Variants in GDPD4 observed in about 807,000 individuals in gnomAD.
GDPD4 encodes the protein glycerophosphodiester phosphodiesterase domain containing 4, also known as glycerophosphodiester phosphodiesterase 6.
In GDPD4, 60 loss-of-function variants were observed where a neutral mutation model predicts 67.8. The ratio of observed to expected loss-of-function variants is 0.88; its 90% CI spans 0.72 to 1.10. The LOEUF is 1.10. Among genes scored for constraint, GDPD4 ranks in the 50% least tolerant of loss-of-function variants. GDPD4 has a pLI of 0.00. For missense variants in GDPD4, 623 were observed against 613.9 expected (o/e 1.01, Z -0.16); for synonymous variants, 212 against 210.9 (o/e 1.00, Z -0.04).
At chr11:77,285,548 C>T (rs1793466) in intron 2 of GDPD4, among the ~76,000 whole-genome samples, 113,573 of 152,180 alleles carry the variant, frequency 0.75, 43,478 homozygotes, top group African/African-American at 0.93. Context: ...TTTTGTTCAG[C>T]AATTAATTTA....
At chr11:77,269,105 A>AAG in intron 8 of GDPD4, 36 bp from the exon 9 acceptor site, 2 of 1,595,522 alleles carry the variant, frequency 1.3e-6, no homozygotes, top group Non-Finnish European at 1.7e-6. Context: ...GTGGGGGAAA[A>AAG]AGAGATAAAG....
At chr11:77,217,677 C>G (rs1958150419) in intron 16 of GDPD4, among the ~76,000 whole-genome samples, 1 of 152,178 alleles carries the variant, frequency 6.6e-6, no homozygotes, top group African/African-American at 2.4e-5. Context: ...GAGACTTTGT[C>G]TTGTTTGCCA....
In GDPD4 at chr11:77,269,069, C is replaced by T; in HGVS notation, c.479G>A (p.Gly160Asp). Residue 160 changes from glycine (G) to aspartate (D), a missense_variant and splice_region_variant, in exon 9 of 17, where the codon GGT (glycine) becomes GAT (aspartate). Physicochemically the swap from Gly to Asp is moderately conservative, Grantham distance 94. Transcript: ENST00000315938. ...GGGTAATCCAACAGGCACTTGTAGACCTGAAAAATTTGAAAGGAAGGGGAA... is the reference window on the plus strand; with the variant it reads ...GGGTAATCCAACAGGCACTTGTAGATCTGAAAAATTTGAAAGGAAGGGGAA... ...KQCNVITRLR[G>D]LQVPVGLPFL... is the part of the protein sequence containing the mutation. 2 of 1,610,996 alleles carry T rather than the reference C, an allele frequency of 1.2e-6. No individual in the cohort carries two copies. Among genetic ancestry groups the T allele is most frequent in the Non-Finnish European group, 8.5e-7 (1 of 1,178,868 alleles).
At chr11:77,267,050 T>C (rs756484937) in intron 10 of GDPD4, among the ~76,000 whole-genome samples, 16 of 152,238 alleles carry the variant, frequency 1.1e-4, no homozygotes, top group Non-Finnish European at 1.9e-4. Context: ...GCTCCATTCA[T>C]GGTAAATGCC....
At chr11:77,251,485 A>C (rs762881881) in intron 11 of GDPD4, among the ~76,000 whole-genome samples, 1 of 152,196 alleles carries the variant, frequency 6.6e-6, no homozygotes, top group Non-Finnish European at 1.5e-5. Flanking sequence ...TTACTGAGTC[A>C]AATATTCTTG....
chr11:77,218,325 A>G (rs935575374), intron 16 of GDPD4, among the ~76,000 whole-genome samples: 5 of 151,784 alleles, frequency 3.3e-5, no homozygotes, highest in Non-Finnish European at 7.4e-5. Context: ...TTTCTGATAT[A>G]TTTTTCTGAT....
Position 77,258,600 on chromosome 11 carries a change from G to A in GDPD4, c.708-58C>T, listed in dbSNP as rs796655515. 1.0e-5 allele frequency: 16 copies of A among 1,527,548 alleles called. No individual in the cohort carries two copies. The African/African-American group carries it at 2.0e-4, about 20-fold the overall frequency. 94.6% of individuals were successfully genotyped at this position (1,527,548 alleles called of 1,614,324 possible). A position where few individuals can be genotyped will look rare whatever the true frequency, so the allele number is the denominator to read the frequency against. ...AGATAGGCTGAATTTAGCTACCTTG[G>A]TAGACAGGCTCCCCAGACAGTCCTT... is the stretch of plus-strand genomic sequence containing the variant. On this transcript the variant is annotated intron_variant, in intron 10 of 16. Coordinates refer to ENST00000315938, the MANE Select transcript of GDPD4 (RefSeq NM_182833.3).
chr11:77,222,023 T>C (rs901966238), intron 16 of GDPD4, among the ~76,000 whole-genome samples: 1 of 152,206 alleles, frequency 6.6e-6, no homozygotes, highest in Non-Finnish European at 1.5e-5. Flanking sequence ...TTAAAGTCTG[T>C]TTTATCAGAG....
At chr11:77,272,133 T>A (rs1439865403) in intron 5 of GDPD4, among the ~76,000 whole-genome samples, 1 of 152,194 alleles carries the variant, frequency 6.6e-6, no homozygotes, top group Non-Finnish European at 1.5e-5. Context: ...CATAATTAAG[T>A]CTTTCACAAC....
rs1163236835 is a variant in GDPD4, at chr11:77,277,222, T to C, written c.148-1002A>G. Among the ~76,000 whole-genome samples, 8 of 146,950 alleles carry C rather than the reference T, an allele frequency of 5.4e-5. 1 individual carries two copies. The highest frequency in any genetic ancestry group is 1.2e-4 in the Non-Finnish European group (8 of 66,990). ...ACATCCTTCATCTACATTTTCCCCA[T>C]GTAAAAAAAAAAAAAAAGTTTCTAA... is the stretch of plus-strand genomic sequence containing the variant. On this transcript the variant is annotated intron_variant, in intron 4 of 16. Transcript: ENST00000315938.
At chr11:77,301,047 G>A (rs574075819) in intron 1 of GDPD4, among the ~76,000 whole-genome samples, 2 of 152,156 alleles carry the variant, frequency 1.3e-5, no homozygotes, top group Non-Finnish European at 2.9e-5. Flanking sequence ...GATACTTTGT[G>A]TCTAAGCACC....
Position 77,268,443 on chromosome 11 carries a change from C to T in GDPD4, c.707+14G>A. 3.2e-6 allele frequency: 5 copies of T among 1,585,776 alleles called. No individual in the cohort carries two copies. Among genetic ancestry groups the T allele is most frequent in the Non-Finnish European group, 4.3e-6 (5 of 1,154,776 alleles). On this transcript the variant is annotated intron_variant, in intron 10 of 16. Coordinates refer to ENST00000315938, the MANE Select transcript of GDPD4 (RefSeq NM_182833.3). ...ATACCCTCCTCCCCTCACCCCAGTT[C>T]CCTGCTTTCTTACCTTAAGTGTATA...
intron 11 of GDPD4, among the ~76,000 whole-genome samples, chr11:77,246,532 AC>A (rs1448353684): frequency 6.6e-6 from 1 of 152,256 alleles, no homozygotes; most frequent in Non-Finnish European, 1.5e-5. Flanking sequence ...ATCCTGGCTC[AC>A]TATGCTTCTT....
chr11:77,240,112 T>C (rs1958634894), intron 13 of GDPD4, among the ~76,000 whole-genome samples: 1 of 135,720 alleles, frequency 7.4e-6, no homozygotes, highest in African/African-American at 2.7e-5. Context: ...AAACTTCCAA[T>C]GTAATTTTTC....
intron 14 of GDPD4, among the ~76,000 whole-genome samples, chr11:77,232,648 TG>T (rs1958475344): frequency 6.6e-6 from 1 of 152,150 alleles, no homozygotes; most frequent in Non-Finnish European, 1.5e-5. Context: ...TCTACAAAGG[TG>T]GGGCTACAGT....
At chr11:77,254,686 C>T (rs939938300) in intron 11 of GDPD4, among the ~76,000 whole-genome samples, 2 of 152,144 alleles carry the variant, frequency 1.3e-5, no homozygotes, top group Non-Finnish European at 2.9e-5. Context: ...CAAAGTTCCA[C>T]GGAAGTGTTG....
At chr11:77,298,509 T>A (rs560815517) in intron 1 of GDPD4, among the ~76,000 whole-genome samples, 12 of 152,288 alleles carry the variant, frequency 7.9e-5, no homozygotes, top group Middle Eastern at 3.4e-3. Flanking sequence ...AAAAATTTTT[T>A]TTAAAAACAT....
At chr11:77,274,772 CAAGA>C (rs1363616388) in intron 5 of GDPD4, among the ~76,000 whole-genome samples, 1 of 152,030 alleles carries the variant, frequency 6.6e-6, no homozygotes, top group Non-Finnish European at 1.5e-5. Context: ...TGGGGAAATA[CAAGA>C]AATACAAGAA....
chr11:77,269,198 T>C, intron 8 of GDPD4, 129 bp from the exon 9 acceptor site: 1 of 731,320 alleles, frequency 1.4e-6, no homozygotes, highest in Non-Finnish European at 2.2e-6. Context: ...TACTGGCTAA[T>C]TTACTTTCTA....
Sources: allele counts gnomAD v4.1 joint callset (sites outside exome capture counted in the v4.1 genomes callset), GRCh38; gene constraint gnomAD v4.1.1; transcripts MANE v1.5; gene names NCBI Gene and HGNC (gene_info 2026-07-23, HGNC 2026-07-21).